Variants in MALRD1 observed in about 807,000 individuals in gnomAD.
The protein encoded by MALRD1 is MAM and LDL-receptor class A domain-containing protein 1.
A neutral mutation model predicts 242.1 loss-of-function variants in MALRD1; 247 were observed. The observed-to-expected ratio is 1.02, with a 90% confidence interval of 0.92 to 1.13. The LOEUF is 1.13. MALRD1 is among the 50% of genes most tolerant of loss of function. MALRD1 has a pLI of 0.00. For synonymous variants in MALRD1, 995 were observed against 866.6 expected (o/e 1.15, Z -2.60); for missense variants, 2,989 against 2,533.1 (o/e 1.18, Z -3.86).
intron 26 of MALRD1, among the ~76,000 whole-genome samples, chr10:19,374,025 T>C (rs1845496775): frequency 6.6e-6 from 1 of 152,238 alleles, no homozygotes; most frequent in Non-Finnish European, 1.5e-5. Context: ...TGGGAAATTG[T>C]TTAAGCGGCT....
chr10:19,252,251 A>G (rs576529706), intron 18 of MALRD1, among the ~76,000 whole-genome samples: 33 of 152,094 alleles, frequency 2.2e-4, no homozygotes, highest in African/African-American at 7.5e-4. Context: ...AATATTGGCA[A>G]CCAATCTGAC....
intron 36 of MALRD1, among the ~76,000 whole-genome samples, chr10:19,664,893 G>A (rs990307914): frequency 1.1e-4 from 17 of 151,598 alleles, no homozygotes; most frequent in Admixed American, 6.6e-4. Flanking sequence ...AAATATTATC[G>A]TCAAATAATA....
At chr10:19,639,864 T>C (rs1840306697) in intron 36 of MALRD1, among the ~76,000 whole-genome samples, 1 of 152,100 alleles carries the variant, frequency 6.6e-6, no homozygotes, top group Non-Finnish European at 1.5e-5. Flanking sequence ...AAAGAGTCGA[T>C]GTGTGGCTTT....
chr10:19,513,410 G>A (rs1184742401), intron 31 of MALRD1, among the ~76,000 whole-genome samples: 1 of 151,356 alleles, frequency 6.6e-6, no homozygotes, highest in East Asian at 1.9e-4. Context: ...GCAGAACCAT[G>A]AGCCAAATAA....
At chr10:19,217,695 T>A (rs1428947871) in intron 18 of MALRD1, among the ~76,000 whole-genome samples, 5 of 151,660 alleles carry the variant, frequency 3.3e-5, no homozygotes, top group African/African-American at 1.2e-4. Flanking sequence ...CCCAGCTAAT[T>A]TTTGTATTTT....
At chr10:19,491,848 C>T (rs1290092642) in intron 30 of MALRD1, among the ~76,000 whole-genome samples, 4 of 152,074 alleles carry the variant, frequency 2.6e-5, no homozygotes, top group African/African-American at 4.8e-5. Flanking sequence ...ATTCTTTACC[C>T]CATACTGAGA....
upstream of MALRD1, among the ~76,000 whole-genome samples, chr10:19,047,432 T>A (rs1205074237): frequency 2.0e-5 from 3 of 151,404 alleles, no homozygotes; most frequent in African/African-American, 7.3e-5. Flanking sequence ...TAGAAGAGAT[T>A]GAGGAAACAA....
At chr10:19,282,285 G>T (rs1840855301) in intron 20 of MALRD1, among the ~76,000 whole-genome samples, 1 of 152,086 alleles carries the variant, frequency 6.6e-6, no homozygotes, top group Non-Finnish European at 1.5e-5. Context: ...TTCCTTTTCA[G>T]ATTTCACATT....
In MALRD1 at chr10:19,209,390, G is replaced by A; in HGVS notation, c.2701G>A (p.Asp901Asn). 6.4e-7 allele frequency: 1 copy of A among 1,551,068 alleles called. No individual in the cohort carries two copies. The change falls in exon 18 of 40, where the codon GAT becomes AAT. Residue 901 changes from aspartate to asparagine, a missense_variant. By Grantham distance (23) the Asp-to-Asn change is conservative. Transcript: ENST00000454679. ...TPTLNTGPMK[D>N]NTLGTAKGHY... Reference sequence around the variant, plus strand: ...AACACTTAACACAGGGCCAATGAAAGATAACACTCTGGGCACAGCTAAAGG... The same window carrying A: ...AACACTTAACACAGGGCCAATGAAAAATAACACTCTGGGCACAGCTAAAGG...
chr10:19,456,988 G>A (rs1835694082), intron 29 of MALRD1, among the ~76,000 whole-genome samples: 1 of 152,026 alleles, frequency 6.6e-6, no homozygotes, highest in Admixed American at 6.5e-5. Flanking sequence ...TAGAATGATA[G>A]TGTGGATTTA....
At chr10:19,682,210 C>T (rs899470337) in intron 36 of MALRD1, among the ~76,000 whole-genome samples, 3 of 152,080 alleles carry the variant, frequency 2.0e-5, no homozygotes, top group South Asian at 2.1e-4. Flanking sequence ...GCTTAGAAAA[C>T]GTGAGGTTCC....
At chr10:19,385,185 G>T (rs1463471520) in intron 26 of MALRD1, among the ~76,000 whole-genome samples, 1 of 151,914 alleles carries the variant, frequency 6.6e-6, no homozygotes, top group Non-Finnish European at 1.5e-5. Context: ...GAGGATTTTT[G>T]CATCCATATT....
intron 31 of MALRD1, among the ~76,000 whole-genome samples, chr10:19,508,717 A>C (rs889894221): frequency 1.3e-5 from 2 of 152,200 alleles, no homozygotes; most frequent in African/African-American, 2.4e-5. Context: ...AGATTAAATA[A>C]ATTACTAAAA....
chr10:19,347,107 C>G (rs1844165635), intron 24 of MALRD1, among the ~76,000 whole-genome samples: 1 of 152,088 alleles, frequency 6.6e-6, no homozygotes, highest in Non-Finnish European at 1.5e-5. Context: ...AATTTACTTG[C>G]CGCACGATAA....
At chr10:19,417,564 A>C (rs1833558200) in intron 28 of MALRD1, among the ~76,000 whole-genome samples, 1 of 152,190 alleles carries the variant, frequency 6.6e-6, no homozygotes, top group South Asian at 2.1e-4. Flanking sequence ...AGCTTTAGGC[A>C]GTGAAACAAA....
intron 13 of MALRD1, among the ~76,000 whole-genome samples, chr10:19,168,230 T>C (rs181508654): frequency 1.3e-5 from 2 of 152,358 alleles, no homozygotes; most frequent in East Asian, 1.9e-4. Context: ...CAGCTCTTAA[T>C]TGGGAAGCAT....
chr10:19,623,456 G>C (rs142995920), intron 36 of MALRD1, among the ~76,000 whole-genome samples: 1 of 152,228 alleles, frequency 6.6e-6, no homozygotes, highest in South Asian at 2.1e-4. Context: ...ATGAGAATTG[G>C]TTCCTGTAGT....
At chr10:19,587,414 G>A (rs879909020) in intron 33 of MALRD1, among the ~76,000 whole-genome samples, 5 of 152,160 alleles carry the variant, frequency 3.3e-5, no homozygotes, top group Non-Finnish European at 7.3e-5. Flanking sequence ...TAAAACTGAA[G>A]TTCTACTTGC....
intron 26 of MALRD1, among the ~76,000 whole-genome samples, chr10:19,368,160 C>T (rs1246465961): frequency 1.3e-5 from 2 of 151,702 alleles, no homozygotes; most frequent in Non-Finnish European, 2.9e-5. Flanking sequence ...TTGTTTTTTG[C>T]CTGTGCTTTT....
Sources: allele counts gnomAD v4.1 joint callset (sites outside exome capture counted in the v4.1 genomes callset), GRCh38; gene constraint gnomAD v4.1.1; transcripts MANE v1.5; gene names NCBI Gene and HGNC (gene_info 2026-07-23, HGNC 2026-07-21).